The following JAKMIP2 variants were observed in gnomAD, a reference collection of about 807,000 sequenced individuals.
JAKMIP2 encodes the protein janus kinase and microtubule-interacting protein 2.
JAKMIP2 carries 25 observed loss-of-function variants against 115.0 expected under a neutral mutation model. The ratio of observed to expected loss-of-function variants is 0.22; its 90% CI spans 0.16 to 0.30. The LOEUF (loss-of-function observed/expected upper bound fraction) is 0.30, where lower values mean the gene tolerates loss of function less well. Ranked by LOEUF, JAKMIP2 falls within the 10% of genes least tolerant of loss-of-function variation. The probability of loss-of-function intolerance (pLI) is 1.00; values close to 1 mark genes in which losing one functional copy is unlikely to be tolerated. For missense variants in JAKMIP2, 642 were observed against 957.6 expected, an observed-to-expected ratio of 0.67 and a Z score of 4.35; for synonymous variants, 334 against 343.6, an observed-to-expected ratio of 0.97 and a Z score of 0.31.
intron 1 of JAKMIP2, among the ~76,000 whole-genome samples, chr5:147,721,026 T>C (rs528572389): frequency 4.4e-4 from 67 of 151,954 alleles, no homozygotes; most frequent in African/African-American, 1.4e-3. Context: ...GATGGGTTTT[T>C]GGTGTGGATG....
chr5:147,653,104 A>C (rs114668290), intron 3 of JAKMIP2, among the ~76,000 whole-genome samples: 73 of 152,226 alleles, frequency 4.8e-4, no homozygotes, highest in Non-Finnish European at 8.7e-4. Flanking sequence ...TATTCAGTCT[A>C]TATAATTGAT....
At chr5:147,604,689 G>A (rs2126596680) in intron 20 of JAKMIP2, among the ~76,000 whole-genome samples, 1 of 152,112 alleles carries the variant, frequency 6.6e-6, no homozygotes, top group African/African-American at 2.4e-5. Context: ...TACCATACAG[G>A]GATTCAGGTA....
chr5:147,590,787 A>G lies in JAKMIP2; in HGVS notation c.*920T>C, dbSNP rs1179297988. 6.6e-6 allele frequency: 1 copy of G among 152,188 alleles called. No individual in the cohort carries two copies. The highest frequency in any genetic ancestry group is 1.5e-5 in the Non-Finnish European group (1 of 68,034). 9.4% of individuals were successfully genotyped at this position (152,188 alleles called of 1,614,324 possible). A position where few individuals can be genotyped will look rare whatever the true frequency, so the allele number is the denominator to read the frequency against. On this transcript the variant is annotated 3_prime_UTR_variant, in exon 22 of 22. Coordinates refer to ENST00000616793, the MANE Select transcript of JAKMIP2 (RefSeq NM_001270941.2). ...TATAGATGTTGGCGTTCTAAACAGA[A>G]CTAAGTCAGGGAGCATGTGATTTAC...
At chr5:147,598,749 A>G (rs73266286) in intron 21 of JAKMIP2, among the ~76,000 whole-genome samples, 3,943 of 152,248 alleles carry the variant, frequency 0.026, 162 homozygotes, top group East Asian at 0.13. Context: ...TAAAAGAAAA[A>G]AAGTAGGAGT....
intron 1 of JAKMIP2, among the ~76,000 whole-genome samples, chr5:147,726,493 C>T (rs1016260037): frequency 6.6e-6 from 1 of 152,120 alleles, no homozygotes; most frequent in African/African-American, 2.4e-5. Context: ...GAATAAATGG[C>T]AAAAATAACT....
intron 14 of JAKMIP2, among the ~76,000 whole-genome samples, chr5:147,629,975 A>G (rs1757283557): frequency 6.6e-6 from 1 of 152,214 alleles, no homozygotes. Context: ...AATGGAGATA[A>G]TAAATTCCTA....
chr5:147,690,786 T>C (rs1751808210), intron 1 of JAKMIP2, among the ~76,000 whole-genome samples: 1 of 151,980 alleles, frequency 6.6e-6, no homozygotes, highest in South Asian at 2.1e-4. Context: ...TCGTGGCTAT[T>C]GCATGACGCA....
At chr5:147,607,550 T>C (rs1756090492) in intron 20 of JAKMIP2, among the ~76,000 whole-genome samples, 1 of 152,202 alleles carries the variant, frequency 6.6e-6, no homozygotes, top group Non-Finnish European at 1.5e-5. Flanking sequence ...GATAAGGTTT[T>C]TAATGTGCTG....
chr5:147,630,946 C>G (rs1192540995), intron 14 of JAKMIP2, among the ~76,000 whole-genome samples: 2 of 152,120 alleles, frequency 1.3e-5, no homozygotes, highest in African/African-American at 4.8e-5. Context: ...GGAATCCTCC[C>G]TAAATTAAAC....
chr5:147,767,289 G>A (rs943717716), intron 1 of JAKMIP2, among the ~76,000 whole-genome samples: 1 of 152,124 alleles, frequency 6.6e-6, no homozygotes, highest in Non-Finnish European at 1.5e-5. Flanking sequence ...ACAAAGAACT[G>A]ACGGAAAATG....
chr5:147,623,960 G>A (rs1033772160), intron 16 of JAKMIP2, among the ~76,000 whole-genome samples: 11 of 151,804 alleles, frequency 7.2e-5, no homozygotes, highest in South Asian at 4.2e-4. Context: ...TCAGCCTCCC[G>A]AGTAGCTGGG....
intron 1 of JAKMIP2, among the ~76,000 whole-genome samples, chr5:147,780,179 C>T (rs753500328): frequency 6.6e-6 from 1 of 152,118 alleles, no homozygotes; most frequent in Non-Finnish European, 1.5e-5. Flanking sequence ...TCTATGGCCC[C>T]TTAGCAAAGG....
At chr5:147,713,332 A>G (rs1179991587) in intron 1 of JAKMIP2, among the ~76,000 whole-genome samples, 1 of 152,188 alleles carries the variant, frequency 6.6e-6, no homozygotes, top group African/African-American at 2.4e-5. Flanking sequence ...TTTTTTAACA[A>G]AAAGTGACAA....
chr5:147,707,477 C>T (rs1489630142), intron 1 of JAKMIP2, among the ~76,000 whole-genome samples: 2 of 152,104 alleles, frequency 1.3e-5, no homozygotes, highest in African/African-American at 2.4e-5. Flanking sequence ...CAACACCACA[C>T]TCTGGGAAAT....
At chr5:147,602,353 AT>A (rs1755742401) in intron 20 of JAKMIP2, among the ~76,000 whole-genome samples, 1 of 152,204 alleles carries the variant, frequency 6.6e-6, no homozygotes, top group Admixed American at 6.5e-5. Context: ...ACAGTGGAAC[AT>A]TTCAGAGAGA....
chr5:147,771,519 A>G (rs113913562), intron 1 of JAKMIP2, among the ~76,000 whole-genome samples: 38 of 152,260 alleles, frequency 2.5e-4, no homozygotes, highest in African/African-American at 9.1e-4. Flanking sequence ...ACACATCTCA[A>G]TAGTTCCTAT....
chr5:147,764,920 A>AG, intron 1 of JAKMIP2, among the ~76,000 whole-genome samples: 1 of 39,490 alleles, frequency 2.5e-5, no homozygotes, highest in Non-Finnish European at 4.4e-5. Context: ...GAAAGAAAGA[A>AG]AGAGAGAGAG....
intron 1 of JAKMIP2, among the ~76,000 whole-genome samples, chr5:147,750,561 T>C (rs200531726): frequency 7.0e-6 from 1 of 142,904 alleles, no homozygotes; most frequent in East Asian, 2.1e-4. Context: ...TGCCAGAAAA[T>C]ACACACACAC....
intron 1 of JAKMIP2, among the ~76,000 whole-genome samples, chr5:147,702,648 GAAA>G (rs1561547583): frequency 1.9e-5 from 2 of 108,002 alleles, no homozygotes; most frequent in Non-Finnish European, 3.7e-5. Context: ...AAGAAAGAAA[GAAA>G]GAAAGAAAGA....
Sources: allele counts gnomAD v4.1 joint callset (sites outside exome capture counted in the v4.1 genomes callset), GRCh38; gene constraint gnomAD v4.1.1; transcripts MANE v1.5; gene names NCBI Gene and HGNC (gene_info 2026-07-23, HGNC 2026-07-21).